The following OR56B4 variants were observed in gnomAD, a reference collection of about 807,000 sequenced individuals.
The protein encoded by OR56B4 is olfactory receptor 56B4.
For missense variants in OR56B4, 447 were observed against 384.6 expected (o/e 1.16, Z -1.36); for synonymous variants, 142 against 149.5 (o/e 0.95, Z 0.37).
In OR56B4 at chr11:6,107,917, G is replaced by A. The variant is rs1389414975; in HGVS notation, c.139G>A (p.Ala47Thr). ...LTLLYLLALG[A>T]NLLIIITIQH... ...TCTGCTCTACCTCTTAGCTCTTGGT[G>A]CCAATCTCCTCATCATAATCACCAT... Residue 47 changes from alanine (A) to threonine (T), a missense_variant, in exon 1 of 1, where the codon GCC becomes ACC. Physicochemically the swap from Ala to Thr is moderately conservative, Grantham distance 58. Coordinates refer to ENST00000316529, the MANE Select transcript of OR56B4 (RefSeq NM_001005181.2). 29 of 1,614,060 alleles carry A rather than the reference G, an allele frequency of 1.8e-5. No individual in the cohort carries two copies. Among genetic ancestry groups the A allele is most frequent in the Non-Finnish European group, 2.4e-5 (28 of 1,180,010 alleles).
In OR56B4 at chr11:6,108,583, G is replaced by A. The variant is rs1003743185; in HGVS notation, c.805G>A (p.Ala269Thr). The A allele has an allele frequency of 1.9e-6, 3 of 1,614,090 alleles. No individual in the cohort carries two copies. Among genetic ancestry groups the A allele is most frequent in the Non-Finnish European group, 1.7e-6 (2 of 1,180,004 alleles). ...GIIVLSVTHL[A>T]EKKIPLIPVF... ...CATTGTGCTGTCTGTCACACACCTT[G>A]CAGAGAAAAAGATTCCCCTTATTCC... The change falls in exon 1 of 1, where the codon GCA becomes ACA. Residue 269 changes from alanine to threonine, a missense_variant. By Grantham distance (58) the Ala-to-Thr change is moderately conservative. Transcript: ENST00000316529.
At position 6,108,440 on chromosome 11, in the gene OR56B4, T is replaced by G; in HGVS notation, c.662T>G (p.Phe221Cys). 6.2e-7 allele frequency: 1 copy of G among 1,614,138 alleles called. No homozygotes were observed. The highest frequency in any genetic ancestry group is 8.5e-7 in the Non-Finnish European group (1 of 1,180,008). The change falls in exon 1 of 1, where the codon TTT becomes TGT. Residue 221 changes from phenylalanine to cysteine, a missense_variant. By Grantham distance (205) the Phe-to-Cys change is radical (BLOSUM62 -2). Coordinates refer to ENST00000316529, the MANE Select transcript of OR56B4 (RefSeq NM_001005181.2). ...GTTGGGAGTGATATGGCTCTGGTATTTTCTTCCTATGCTGTAATCCTTCAC... is the reference window on the plus strand; with the variant it reads ...GTTGGGAGTGATATGGCTCTGGTATGTTCTTCCTATGCTGTAATCCTTCAC... ...VLVGSDMALV[F>C]SSYAVILHSV... is the part of the protein sequence containing the mutation.
At position 6,108,431 on chromosome 11, in the gene OR56B4, C is replaced by T; in HGVS notation, c.653C>T (p.Ala218Val). The stretch of plus-strand genomic sequence containing the variant: ...TGGGTCTTGGTTGGGAGTGATATGG[C>T]TCTGGTATTTTCTTCCTATGCTGTA... ...LAWVLVGSDM[A>V]LVFSSYAVIL... is the part of the protein sequence containing the mutation. The change falls in exon 1 of 1, where the codon GCT (alanine) becomes GTT (valine). Residue 218 changes from alanine to valine, a missense_variant. Transcript: ENST00000316529. The T allele has an allele frequency of 6.2e-7, 1 of 1,614,068 alleles. No homozygotes were observed. The highest frequency in any genetic ancestry group is 8.5e-7 in the Non-Finnish European group (1 of 1,179,990).
chr11:6,107,774 A>T lies in OR56B4; in HGVS notation c.-5A>T. Reference sequence around the variant, plus strand: ...GACAGACACTGAGACTGAGGCACCCATTCCATGGATACCTCCACCAGTGTT... The same window carrying T: ...GACAGACACTGAGACTGAGGCACCCTTTCCATGGATACCTCCACCAGTGTT... On this transcript the variant is annotated 5_prime_UTR_variant, in exon 1 of 1. Coordinates refer to ENST00000316529, the MANE Select transcript of OR56B4 (RefSeq NM_001005181.2). The T allele has an allele frequency of 6.2e-7, 1 of 1,603,854 alleles. No homozygotes were observed. The highest frequency in any genetic ancestry group is 8.5e-7 in the Non-Finnish European group (1 of 1,174,492).
rs1423306507 is a variant in OR56B4 at position 6,108,294 on chromosome 11, A to G, written c.516A>G (p.Arg172=). The G allele has an allele frequency of 8.1e-6, 13 of 1,614,122 alleles. No homozygotes were observed. The highest frequency in any genetic ancestry group is 1.1e-5 in the Non-Finnish European group (13 of 1,180,000). The part of the protein sequence containing the change: ...TIPVPILAAQ[R]HYCSRNEIEH... ...CAGTGCCTATACTGGCTGCCCAGAG[A>G]CACTACTGTTCCAGGAATGAAATCG... Residue 172 remains arginine (R), a synonymous_variant, in exon 1 of 1, where the codon AGA becomes AGG. Transcript: ENST00000316529.
In OR56B4 at chr11:6,108,326, G is replaced by T. The variant is rs1849027295; in HGVS notation, c.548G>T (p.Cys183Phe). The T allele has an allele frequency of 5.6e-6, 9 of 1,614,184 alleles. No homozygotes were observed. The highest frequency in any genetic ancestry group is 7.6e-6 in the Non-Finnish European group (9 of 1,180,044). Residue 183 changes from cysteine to phenylalanine, a missense_variant, in exon 1 of 1, where the codon TGC becomes TTC. Physicochemically the swap from Cys to Phe is radical, Grantham distance 205. Coordinates refer to ENST00000316529, the MANE Select transcript of OR56B4 (RefSeq NM_001005181.2). Reference protein sequence around the residue: ...HYCSRNEIEHCLCSNLGVISL... With the variant: ...HYCSRNEIEHFLCSNLGVISL... ...TGTTCCAGGAATGAAATCGAGCACT[G>T]CCTCTGCTCTAACTTGGGGGTTATC...
chr11:6,108,042 G>T lies in OR56B4; in HGVS notation c.264G>T (p.Leu88=), dbSNP rs1353986098. Residue 88 remains leucine, a synonymous_variant, in exon 1 of 1, where the codon CTG becomes CTT. Coordinates refer to ENST00000316529, the MANE Select transcript of OR56B4 (RefSeq NM_001005181.2). The part of the protein sequence containing the change: ...GLATTIMPKI[L]AIFWFDAKAI... ...CCACCACCATCATGCCCAAGATCCT[G>T]GCCATCTTCTGGTTTGATGCCAAGG... The T allele has an allele frequency of 6.2e-7, 1 of 1,614,004 alleles. No homozygotes were observed. Among genetic ancestry groups the T allele is most frequent in the South Asian group, 1.1e-5 (1 of 91,084 alleles).
rs544772300 is a variant in OR56B4, at chr11:6,107,912, T to G, written c.134T>G (p.Leu45Arg). Residue 45 changes from leucine to arginine, a missense_variant, in exon 1 of 1, where the codon CTT (leucine) becomes CGT (arginine). Physicochemically the swap from Leu to Arg is moderately radical, Grantham distance 102. Coordinates refer to ENST00000316529, the MANE Select transcript of OR56B4 (RefSeq NM_001005181.2). ...CTGACTCTGCTCTACCTCTTAGCTC[T>G]TGGTGCCAATCTCCTCATCATAATC... Reference protein sequence around the residue: ...LPLTLLYLLALGANLLIIITI... With the variant: ...LPLTLLYLLARGANLLIIITI... 2.4e-4 allele frequency: 387 copies of G among 1,614,126 alleles called. 5 individuals carry two copies. The South Asian group carries it at 3.9e-3, about 16-fold the overall frequency.
chr11:6,108,632 A>T lies in OR56B4; in HGVS notation c.854A>T (p.Asn285Ile). ...LIPVFLNVLH[N>I]VIPPALNPLA... ...CCTGTGTTCCTTAATGTGCTGCACA[A>T]TGTCATCCCCCCTGCACTCAACCCC... The change falls in exon 1 of 1, where the codon AAT becomes ATT. Residue 285 changes from asparagine (N) to isoleucine (I), a missense_variant. By Grantham distance (149) the Asn-to-Ile change is moderately radical (BLOSUM62 -3). Transcript: ENST00000316529. The T allele has an allele frequency of 6.2e-7, 1 of 1,614,124 alleles. No individual in the cohort carries two copies. Among genetic ancestry groups the T allele is most frequent in the East Asian group, 2.2e-5 (1 of 44,878 alleles).
chr11:6,108,218 T>C lies in OR56B4; in HGVS notation c.440T>C (p.Val147Ala), dbSNP rs139524952. The change falls in exon 1 of 1, where the codon GTC (valine) becomes GCC (alanine). Residue 147 changes from valine (V) to alanine (A), a missense_variant. Val to Ala is a moderately conservative substitution (Grantham distance 64). Transcript: ENST00000316529. ...QYPSIVTKAFVFKATGFIMLR... is the reference protein window; with the variant it reads ...QYPSIVTKAFAFKATGFIMLR... ...CCCTCCATAGTCACTAAAGCTTTTG[T>C]CTTCAAAGCCACAGGGTTCATCATG... 8.1e-6 allele frequency: 13 copies of C among 1,614,100 alleles called. No individual in the cohort carries two copies. Among genetic ancestry groups the C allele is most frequent in the Non-Finnish European group, 1.1e-5 (13 of 1,180,054 alleles).
In OR56B4 at chr11:6,107,834, T is replaced by A; in HGVS notation, c.56T>A (p.Ile19Asn). 1 of 1,614,008 alleles carries A rather than the reference T, an allele frequency of 6.2e-7. No homozygotes were observed. Among genetic ancestry groups the A allele is most frequent in the Non-Finnish European group, 8.5e-7 (1 of 1,179,860 alleles). The change falls in exon 1 of 1, where the codon ATC becomes AAC. Residue 19 changes from isoleucine (I) to asparagine (N), a missense_variant. Ile to Asn is a moderately radical substitution (Grantham distance 149). Transcript: ENST00000316529. ...TCCAGCCTCCAGATTTCCCAGTTCA[T>A]CCTGATGGGATTACCAGGCATTCAT... ...YDSSLQISQF[I>N]LMGLPGIHEW...
Position 6,108,114 on chromosome 11 carries a change from C to T in OR56B4, c.336C>T (p.Cys112=). Reference sequence around the variant, plus strand: ...TTGCTCAGATCTATGCCATCCACTGCTTCTTCTGCATAGAGTCAGGCATCT... The same window carrying T: ...TTGCTCAGATCTATGCCATCCACTGTTTCTTCTGCATAGAGTCAGGCATCT... ...MCFAQIYAIH[C]FFCIESGIFL... Residue 112 remains cysteine (C), a synonymous_variant, in exon 1 of 1, where the codon TGC becomes TGT. Transcript: ENST00000316529. The T allele has an allele frequency of 6.2e-7, 1 of 1,614,016 alleles. No homozygotes were observed. Among genetic ancestry groups the T allele is most frequent in the Non-Finnish European group, 8.5e-7 (1 of 1,180,000 alleles).
chr11:6,108,828 T>A lies in OR56B4; in HGVS notation c.*90T>A. 8.4e-7 allele frequency: 1 copy of A among 1,196,356 alleles called. No homozygotes were observed. The highest frequency in any genetic ancestry group is 1.2e-6 in the Non-Finnish European group (1 of 849,452). The allele number at this position is 1,196,356 out of a possible 1,614,324, so 74.1% of individuals were successfully genotyped here. A position where few individuals can be genotyped will look rare whatever the true frequency, so the allele number is the denominator to read the frequency against. ...GGGTTATAATCTGCACTTACCACAC[T>A]CCCTAGGAAAAAAATGGCCAATAAA... On this transcript the variant is annotated 3_prime_UTR_variant, in exon 1 of 1. Coordinates refer to ENST00000316529, the MANE Select transcript of OR56B4 (RefSeq NM_001005181.2).
Position 6,108,586 on chromosome 11 carries a change from G to C in OR56B4, c.808G>C (p.Glu270Gln). ...IIVLSVTHLA[E>Q]KKIPLIPVFL... is the part of the protein sequence containing the mutation. ...TGTGCTGTCTGTCACACACCTTGCAGAGAAAAAGATTCCCCTTATTCCTGT... is the reference window on the plus strand; with the variant it reads ...TGTGCTGTCTGTCACACACCTTGCACAGAAAAAGATTCCCCTTATTCCTGT... The change falls in exon 1 of 1, where the codon GAG becomes CAG. Residue 270 changes from glutamate to glutamine, a missense_variant. By Grantham distance (29) the Glu-to-Gln change is conservative. Transcript: ENST00000316529. 2 of 1,614,090 alleles carry C rather than the reference G, an allele frequency of 1.2e-6. No individual in the cohort carries two copies. The highest frequency in any genetic ancestry group is 1.6e-4 in the Middle Eastern group (1 of 6,062).
rs768383559 is a variant in OR56B4 at position 6,108,226 on chromosome 11, G to A, written c.448G>A (p.Ala150Thr). The A allele has an allele frequency of 4.3e-6, 7 of 1,614,146 alleles. No individual in the cohort carries two copies. In the South Asian group the frequency reaches 6.6e-5, roughly 15 times the overall value. The change falls in exon 1 of 1, where the codon GCC becomes ACC. Residue 150 changes from alanine (A) to threonine (T), a missense_variant. Transcript: ENST00000316529. ...SIVTKAFVFKATGFIMLRNGL... is the reference protein window; with the variant it reads ...SIVTKAFVFKTTGFIMLRNGL... ...AGTCACTAAAGCTTTTGTCTTCAAA[G>A]CCACAGGGTTCATCATGCTCAGGAA... is the stretch of plus-strand genomic sequence containing the variant.
rs764716247 is a variant in OR56B4, at chr11:6,108,262, A to T, written c.484A>T (p.Thr162Ser). 6.2e-6 allele frequency: 10 copies of T among 1,613,974 alleles called. No homozygotes were observed. The Middle Eastern group carries it at 8.2e-4, about 133-fold the overall frequency. ...CATCATGCTCAGGAATGGCCTGTTG[A>T]CCATCCCAGTGCCTATACTGGCTGC... ...GFIMLRNGLL[T>S]IPVPILAAQR... Residue 162 changes from threonine to serine, a missense_variant, in exon 1 of 1, where the codon ACC (threonine) becomes TCC (serine). By Grantham distance (58) the Thr-to-Ser change is moderately conservative. Transcript: ENST00000316529.
In OR56B4 at chr11:6,107,773, C is replaced by T; in HGVS notation, c.-6C>T. 6.2e-7 allele frequency: 1 copy of T among 1,602,554 alleles called. No individual in the cohort carries two copies. The highest frequency in any genetic ancestry group is 1.3e-5 in the African/African-American group (1 of 74,852). On this transcript the variant is annotated 5_prime_UTR_variant, in exon 1 of 1. Coordinates refer to ENST00000316529, the MANE Select transcript of OR56B4 (RefSeq NM_001005181.2). ...AGACAGACACTGAGACTGAGGCACC[C>T]ATTCCATGGATACCTCCACCAGTGT...
Position 6,108,011 on chromosome 11 carries a change from G to A in OR56B4, c.233G>A (p.Gly78Asp), listed in dbSNP as rs1849023600. The A allele has an allele frequency of 3.1e-6, 5 of 1,613,896 alleles. No homozygotes were observed. The Admixed American group carries it at 6.7e-5, about 22-fold the overall frequency. The change falls in exon 1 of 1, where the codon GGC becomes GAC. Residue 78 changes from glycine (G) to aspartate (D), a missense_variant. Transcript: ENST00000316529. ...LLGILAVVDIGLATTIMPKIL... is the reference protein window; with the variant it reads ...LLGILAVVDIDLATTIMPKIL... ...GGCATATTAGCAGTGGTGGACATTG[G>A]CCTGGCCACCACCATCATGCCCAAG...
rs201579569 is a variant in OR56B4, at chr11:6,107,921, A to G, written c.143A>G (p.Asn48Ser). The G allele has an allele frequency of 2.5e-5, 41 of 1,613,944 alleles. No individual in the cohort carries two copies. In the African/African-American group the frequency reaches 3.3e-4, roughly 13 times the overall value. Residue 48 changes from asparagine to serine, a missense_variant, in exon 1 of 1, where the codon AAT becomes AGT. Physicochemically the swap from Asn to Ser is conservative, Grantham distance 46. Transcript: ENST00000316529. ...CTCTACCTCTTAGCTCTTGGTGCCA[A>G]TCTCCTCATCATAATCACCATTCAA... is the stretch of plus-strand genomic sequence containing the variant. ...TLLYLLALGA[N>S]LLIIITIQHE...
Sources: allele counts gnomAD v4.1 joint callset, GRCh38; gene constraint gnomAD v4.1.1; transcripts MANE v1.5; gene names NCBI Gene and HGNC (gene_info 2026-07-23, HGNC 2026-07-21).